The following CFAP299 variants were observed in gnomAD, a reference collection of about 807,000 sequenced individuals.
CFAP299 encodes the protein cilia and flagella associated protein 299.
Under a neutral mutation model 27.0 loss-of-function variants are expected in CFAP299, and 21 were observed. The observed-to-expected ratio is 0.78, with a 90% CI of 0.55 to 1.12. The LOEUF (loss-of-function observed/expected upper bound fraction) is 1.12. Among genes scored for constraint, CFAP299 ranks in the 50% most tolerant of loss-of-function variants. The pLI, the probability that CFAP299 is intolerant of heterozygous loss-of-function variation, is 0.00. For synonymous variants in CFAP299, 104 were observed against 98.1 expected (o/e 1.06, Z -0.36); for missense variants, 310 against 276.6 (o/e 1.12, Z -0.86).
intron 3 of CFAP299, among the ~76,000 whole-genome samples, chr4:80,793,246 T>C (rs1214633708): frequency 6.6e-6 from 1 of 151,984 alleles, no homozygotes. Context: ...TGGAGTCTGA[T>C]GTTCAAGGGC....
intron 3 of CFAP299, among the ~76,000 whole-genome samples, chr4:80,804,843 A>G (rs1728784051): frequency 6.6e-6 from 1 of 152,032 alleles, no homozygotes; most frequent in African/African-American, 2.4e-5. Context: ...TGTCTTTTTG[A>G]CTGGAGAGTT....
At chr4:80,732,257 C>G (rs139867494) in intron 3 of CFAP299, among the ~76,000 whole-genome samples, 1 of 151,954 alleles carries the variant, frequency 6.6e-6, no homozygotes, top group East Asian at 1.9e-4. Flanking sequence ...CATAGATACT[C>G]TGGAAGTTTG....
intron 3 of CFAP299, among the ~76,000 whole-genome samples, chr4:80,679,742 GTTT>G (rs34748902): frequency 7.4e-6 from 1 of 135,606 alleles, no homozygotes; most frequent in Admixed American, 7.3e-5. Context: ...CTGTGTGTGG[GTTT>G]TTTTTTTTTT....
chr4:80,866,658 G>A (rs537274723), intron 3 of CFAP299, among the ~76,000 whole-genome samples: 2 of 152,216 alleles, frequency 1.3e-5, no homozygotes, highest in East Asian at 3.9e-4. Flanking sequence ...GGCTGTATAC[G>A]ATGATTCTAG....
chr4:80,704,719 A>C (rs559667367), intron 3 of CFAP299, among the ~76,000 whole-genome samples: 3 of 151,828 alleles, frequency 2.0e-5, no homozygotes, highest in Non-Finnish European at 4.4e-5. Flanking sequence ...ATTGGTTACC[A>C]AAACAATCTA....
At chr4:80,471,193 T>G (rs1416240939) in intron 2 of CFAP299, among the ~76,000 whole-genome samples, 2 of 152,138 alleles carry the variant, frequency 1.3e-5, no homozygotes, top group Non-Finnish European at 2.9e-5. Context: ...CCTGTGTTCA[T>G]AACCATTGAC....
chr4:80,629,804 A>G (rs902856249), intron 3 of CFAP299, among the ~76,000 whole-genome samples: 2 of 150,624 alleles, frequency 1.3e-5, no homozygotes, highest in African/African-American at 2.4e-5. Context: ...CGCTGGAGCC[A>G]GGGAGACAGG....
intron 1 of CFAP299, among the ~76,000 whole-genome samples, chr4:80,345,468 C>T (rs1722683681): frequency 6.7e-6 from 1 of 148,608 alleles, no homozygotes; most frequent in South Asian, 2.2e-4. Context: ...TGTTCCCCTC[C>T]CTGTGTCCAA....
At chr4:80,834,411 T>C (rs528583731) in intron 3 of CFAP299, among the ~76,000 whole-genome samples, 1 of 152,336 alleles carries the variant, frequency 6.6e-6, no homozygotes, top group South Asian at 2.1e-4. Flanking sequence ...TAATAAACTC[T>C]TGATAATTCC....
chr4:80,758,281 C>T (rs1232704345), intron 3 of CFAP299, among the ~76,000 whole-genome samples: 2 of 152,136 alleles, frequency 1.3e-5, no homozygotes, highest in Non-Finnish European at 2.9e-5. Flanking sequence ...AGGTAATCTT[C>T]TCCTGGAGTC....
intron 3 of CFAP299, among the ~76,000 whole-genome samples, chr4:80,795,063 C>T (rs1411476321): frequency 2.0e-5 from 3 of 152,148 alleles, no homozygotes. Flanking sequence ...GGGAAAGAAG[C>T]TGAGTGGTGT....
At chr4:80,656,183 A>T (rs1341034850) in intron 3 of CFAP299, among the ~76,000 whole-genome samples, 2 of 151,776 alleles carry the variant, frequency 1.3e-5, no homozygotes, top group African/African-American at 4.8e-5. Flanking sequence ...GTTTTATACT[A>T]AAAAAAAGAC....
chr4:80,523,350 G>T (rs1733014910), intron 2 of CFAP299, among the ~76,000 whole-genome samples: 1 of 152,016 alleles, frequency 6.6e-6, no homozygotes, highest in Non-Finnish European at 1.5e-5. Flanking sequence ...TGAAAACCAT[G>T]GACGGTATTG....
At chr4:80,557,422 A>G (rs1178670818) in intron 2 of CFAP299, among the ~76,000 whole-genome samples, 2 of 152,116 alleles carry the variant, frequency 1.3e-5, no homozygotes, top group Non-Finnish European at 2.9e-5. Flanking sequence ...CCAAGAGTCA[A>G]AGACCTGTAA....
intron 3 of CFAP299, among the ~76,000 whole-genome samples, chr4:80,855,328 A>G (rs1249165911): frequency 6.6e-6 from 1 of 152,060 alleles, no homozygotes; most frequent in East Asian, 1.9e-4. Context: ...ATTTTGTCTA[A>G]TAGTGCAAGT....
chr4:80,655,777 T>G (rs536578716), intron 3 of CFAP299, among the ~76,000 whole-genome samples: 2 of 152,274 alleles, frequency 1.3e-5, no homozygotes, highest in African/African-American at 4.8e-5. Context: ...CTACTGGAAT[T>G]ATAAACATGG....
intron 3 of CFAP299, among the ~76,000 whole-genome samples, chr4:80,701,359 T>G (rs2110027310): frequency 6.6e-6 from 1 of 152,198 alleles, no homozygotes; most frequent in South Asian, 2.1e-4. Flanking sequence ...CATTCAGTTA[T>G]CAAACACCAA....
In CFAP299 at chr4:80,934,701, A is replaced by C. The variant is rs527281695; in HGVS notation, c.477-10109A>C. On this transcript the variant is annotated intron_variant, in intron 4 of 5. Coordinates refer to ENST00000358105, the MANE Select transcript of CFAP299 (RefSeq NM_152770.3). ...TGGTAAGTGTTCATAATAGTGTTTT[A>C]AGATCCTTTGTATTTCTGTGGTATC... Among the ~76,000 whole-genome samples, 32 of 152,068 alleles carry C rather than the reference A, an allele frequency of 2.1e-4. 1 individual carries two copies. The South Asian group carries it at 5.0e-3, about 24-fold the overall frequency.
chr4:80,821,120 T>G (rs1729680588), intron 3 of CFAP299, among the ~76,000 whole-genome samples: 1 of 152,190 alleles, frequency 6.6e-6, no homozygotes, highest in Admixed American at 6.5e-5. Context: ...AATAAAGTAG[T>G]GATCCCTTCA....
Sources: gnomAD v4.1 joint callset for allele counts (sites outside exome capture counted in the v4.1 genomes callset) on GRCh38, gnomAD v4.1.1 for gene constraint, MANE v1.5 for transcripts, NCBI Gene and HGNC (gene_info 2026-07-23, HGNC 2026-07-21) for gene names.